The following SFI1 variants were observed in gnomAD, a reference collection of about 807,000 sequenced individuals.
SFI1 encodes protein SFI1 homolog.
Under a neutral mutation model 207.5 loss-of-function variants are expected in SFI1, and 195 were observed. The observed-to-expected ratio is 0.94, with a 90% CI of 0.84 to 1.06. The LOEUF is 1.06. Ranked by LOEUF, SFI1 falls within the 50% of genes least tolerant of loss-of-function variation. The pLI is 0.00. For synonymous variants in SFI1, 630 were observed against 598.9 expected, an observed-to-expected ratio of 1.05 and a Z score of -0.76; for missense variants, 1,634 against 1,588.0, an observed-to-expected ratio of 1.03 and a Z score of -0.49.
At chr22:31,557,107 C>T (rs770097821) in intron 7 of SFI1, 48 bp downstream of exon 7, 38 of 1,183,454 alleles carry the variant, frequency 3.2e-5, no homozygotes, top group Admixed American at 6.2e-5. Flanking sequence ...CATTTTACCT[C>T]ATCAGCTTTA....
At chr22:31,602,431 C>T in intron 16 of SFI1, 138 bp downstream of exon 16, 2 of 1,139,854 alleles carry the variant, frequency 1.8e-6, no homozygotes, top group Non-Finnish European at 2.6e-6. Context: ...GCAGGGCAGG[C>T]TCTGGGGCAT....
chr22:31,592,956 C>A (rs1293707446), intron 15 of SFI1, among the ~76,000 whole-genome samples: 1 of 121,172 alleles, frequency 8.3e-6, no homozygotes, highest in African/African-American at 3.5e-5. Flanking sequence ...CCCTCACCTC[C>A]CGGACGGGGC....
At chr22:31,561,451 C>A in intron 8 of SFI1, 59 bp downstream of exon 8, 2 of 1,451,696 alleles carry the variant, frequency 1.4e-6, no homozygotes, top group Non-Finnish European at 1.9e-6. Flanking sequence ...GCCTCTCACC[C>A]ACAGAGGGCA....
chr22:31,598,716 C>CCTTTTTTTTTTTTT (rs2067572351), intron 15 of SFI1, among the ~76,000 whole-genome samples: 1 of 26,882 alleles, frequency 3.7e-5, no homozygotes, highest in African/African-American at 1.2e-4. Context: ...TGCGCCTGGC[C>CCTTTTTTTTTTTTT]TTTTTTTTTT....
chr22:31,561,337 G>A lies in SFI1; in HGVS notation c.710G>A (p.Ser237Asn). 6.2e-7 allele frequency: 1 copy of A among 1,614,148 alleles called. No homozygotes were observed. The highest frequency in any genetic ancestry group is 1.7e-4 in the Middle Eastern group (1 of 6,060). Residue 237 changes from serine to asparagine, a missense_variant, in exon 8 of 33, where the codon AGC (serine) becomes AAC (asparagine). Transcript: ENST00000400288. ...CAGCGACTAGGACAGGTCCGTGTGA[G>A]CCGTGCCCTCCATGCCTCTGCTTTG... ...WRQRLGQVRV[S>N]RALHASALKH... is the part of the protein sequence containing the mutation.
intron 2 of SFI1, 63 bp downstream of exon 2, chr22:31,508,439 T>C: frequency 2.5e-6 from 3 of 1,215,706 alleles, no homozygotes; most frequent in Non-Finnish European, 3.5e-6. Context: ...AACTAAACAT[T>C]TTGTGTATGA....
At chr22:31,563,287 C>G (rs2061919321) in intron 8 of SFI1, among the ~76,000 whole-genome samples, 1 of 152,058 alleles carries the variant, frequency 6.6e-6, no homozygotes, top group African/African-American at 2.4e-5. Flanking sequence ...ACCACCGCGC[C>G]TGGCCTGCAT....
rs1250675084 is a variant in SFI1 at position 31,547,037 on chromosome 22, G to C, written c.449+66G>C. ...CATTATCAGATGATTATTTGTTGGC[G>C]TGTTTATGGTCAAAAGAAGCAAACT... is the stretch of plus-strand genomic sequence containing the variant. On this transcript the variant is annotated intron_variant, in intron 5 of 32. Transcript: ENST00000400288. 4 of 1,206,116 alleles carry C rather than the reference G, an allele frequency of 3.3e-6. No individual in the cohort carries two copies. In the African/African-American group the frequency reaches 6.1e-5, roughly 18 times the overall value. 74.7% of individuals were successfully genotyped at this position (1,206,116 alleles called of 1,614,324 possible). A position where few individuals can be genotyped will look rare whatever the true frequency, so the allele number is the denominator to read the frequency against.
intron 3 of SFI1, 93 bp downstream of exon 3, chr22:31,528,956 C>T (rs1276039880): frequency 2.4e-6 from 3 of 1,261,042 alleles, no homozygotes; most frequent in Non-Finnish European, 3.3e-6. Flanking sequence ...TCTTCCACCG[C>T]AATTAGTGGG....
chr22:31,616,491 G>A (rs1039428032), intron 29 of SFI1: 9 of 423,474 alleles, frequency 2.1e-5, no homozygotes, highest in Admixed American at 1.2e-4. Flanking sequence ...CAGTGGAGGC[G>A]TGAGGCGGAC....
chr22:31,602,029 C>T (rs186824133), intron 15 of SFI1, among the ~76,000 whole-genome samples, 183 bp from the exon 16 acceptor site: 102 of 152,236 alleles, frequency 6.7e-4, no homozygotes, highest in Non-Finnish European at 4.0e-4. Flanking sequence ...CAGCGATCCT[C>T]CTGCCTTGGC....
At chr22:31,614,166 A>G (rs139147200) in intron 27 of SFI1, 4,808 of 402,908 alleles carry the variant, frequency 0.012, 37 homozygotes, top group Middle Eastern at 0.017. Context: ...GGAGTCATAC[A>G]CGTAGTTGAC....
At chr22:31,516,779 A>G (rs1347900119) in intron 2 of SFI1, among the ~76,000 whole-genome samples, 2 of 151,084 alleles carry the variant, frequency 1.3e-5, no homozygotes, top group Non-Finnish European at 2.9e-5. Context: ...ACATGGAGAA[A>G]CCCCGTCTCT....
intron 15 of SFI1, among the ~76,000 whole-genome samples, chr22:31,596,973 G>A (rs534480692): frequency 8.7e-6 from 1 of 114,656 alleles, no homozygotes; most frequent in African/African-American, 3.4e-5. Flanking sequence ...CACGGTACCC[G>A]TTTCTAAATG....
At chr22:31,594,813 C>G (rs1414071148) in intron 15 of SFI1, among the ~76,000 whole-genome samples, 1 of 143,016 alleles carries the variant, frequency 7.0e-6, no homozygotes, top group Non-Finnish European at 1.5e-5. Context: ...TGAGATCACA[C>G]CACTGCACTC....
At chr22:31,531,188 A>G in intron 4 of SFI1, 59 bp downstream of exon 4, 2 of 1,410,062 alleles carry the variant, frequency 1.4e-6, no homozygotes, top group Non-Finnish European at 9.9e-7. Context: ...TTTCTTTTAT[A>G]TTAAGCCTGT....
At chr22:31,592,421 T>A in intron 15 of SFI1, among the ~76,000 whole-genome samples, 3 of 39,298 alleles carry the variant, frequency 7.6e-5, no homozygotes, top group Non-Finnish European at 1.3e-4. Context: ...CCCCCCCACC[T>A]CCCTCCCGGA....
intron 2 of SFI1, among the ~76,000 whole-genome samples, chr22:31,527,877 G>T (rs544301785): frequency 1.3e-4 from 20 of 152,294 alleles, no homozygotes; most frequent in African/African-American, 4.3e-4. Flanking sequence ...ACTTTGGGAG[G>T]CCGAGGTGGG....
chr22:31,579,986 T>C (rs1329438862), intron 11 of SFI1: 2 of 267,878 alleles, frequency 7.5e-6, no homozygotes, highest in African/African-American at 2.2e-5. Flanking sequence ...ATGTGGGTCA[T>C]GGGGTTCTTT....
Sources: allele counts gnomAD v4.1 joint callset (sites outside exome capture counted in the v4.1 genomes callset), GRCh38; gene constraint gnomAD v4.1.1; transcripts MANE v1.5; gene names NCBI Gene and HGNC (gene_info 2026-07-23, HGNC 2026-07-21).